ABCC4: variants seen among roughly 807,000 people sequenced by gnomAD.
ABCC4 encodes ATP binding cassette subfamily C member 4 (PEL blood group), also known as ATP-binding cassette sub-family C member 4.
A neutral mutation model predicts 168.5 loss-of-function variants in ABCC4; 102 were observed. The observed-to-expected ratio is 0.61, with a 90% confidence interval of 0.52 to 0.71. ABCC4 has a LOEUF of 0.71. Ranked by LOEUF, ABCC4 falls within the 30% of genes least tolerant of loss-of-function variation. The pLI is 0.00. For missense variants in ABCC4, 1,402 were observed against 1,605.8 expected (o/e 0.87, Z 2.17); for synonymous variants, 617 against 590.7 (o/e 1.04, Z -0.65).
chr13:95,128,715 A>T (rs1397086429), intron 19 of ABCC4, among the ~76,000 whole-genome samples: 4 of 152,120 alleles, frequency 2.6e-5, no homozygotes, highest in African/African-American at 9.7e-5. Flanking sequence ...AAAACCCACC[A>T]TCCGTACAAG....
intron 1 of ABCC4, among the ~76,000 whole-genome samples, chr13:95,293,282 C>T (rs542681020): frequency 3.3e-4 from 50 of 151,702 alleles, no homozygotes; most frequent in African/African-American, 1.2e-3. Context: ...CGCTTGAGCC[C>T]GGGAGGCGGA....
chr13:95,021,967 A>C (rs2031111873), intron 30 of ABCC4, among the ~76,000 whole-genome samples: 1 of 152,194 alleles, frequency 6.6e-6, no homozygotes, highest in Non-Finnish European at 1.5e-5. Flanking sequence ...AAGCGGAATC[A>C]TTTTACTGAC....
intron 3 of ABCC4, among the ~76,000 whole-genome samples, chr13:95,238,025 T>C (rs1333540452): frequency 6.6e-6 from 1 of 151,444 alleles, no homozygotes; most frequent in Non-Finnish European, 1.5e-5. Flanking sequence ...TGAAACCCCA[T>C]CTCTACTAAA....
In ABCC4 at chr13:95,292,600, CTG is replaced by C. The variant is rs1223898490; in HGVS notation, c.74+8639_74+8640del. Among the ~76,000 whole-genome samples the C allele has an allele frequency of 2.0e-5, 3 of 152,260 alleles. No homozygotes were observed. The East Asian group carries it at 5.8e-4, about 29-fold the overall frequency. ...AAGTAGAAATTGCATGGAAAGAAAA[CTG>C]TGGCTCAATACAACATAATTCTGGC... is the stretch of plus-strand genomic sequence containing the variant. On this transcript the variant is annotated intron_variant, in intron 1 of 30. Transcript: ENST00000645237.
intron 20 of ABCC4, among the ~76,000 whole-genome samples, chr13:95,115,276 T>TG (rs1371700151): frequency 5.3e-5 from 8 of 150,704 alleles, no homozygotes; most frequent in Admixed American, 3.3e-4. Flanking sequence ...ATTGTTGGTT[T>TG]TTTTTTTTTA....
chr13:95,294,783 T>C (rs576228741), intron 1 of ABCC4, among the ~76,000 whole-genome samples: 100 of 152,038 alleles, frequency 6.6e-4, no homozygotes, highest in Non-Finnish European at 1.2e-3. Flanking sequence ...TGAAACCCCA[T>C]CTCTCCTAAA....
chr13:95,027,092 C>T (rs553228660), intron 30 of ABCC4, among the ~76,000 whole-genome samples: 197 of 152,154 alleles, frequency 1.3e-3, no homozygotes, highest in South Asian at 5.4e-3. Flanking sequence ...TCCAGGATAA[C>T]ATGTGCAGAA....
intron 19 of ABCC4, among the ~76,000 whole-genome samples, chr13:95,155,055 C>A (rs2036811961): frequency 6.6e-6 from 1 of 152,132 alleles, no homozygotes; most frequent in Non-Finnish European, 1.5e-5. Flanking sequence ...GCTTTCAGTT[C>A]TCCACAAATT....
chr13:95,123,149 C>CA (rs1343299446), intron 19 of ABCC4, among the ~76,000 whole-genome samples: 1 of 152,142 alleles, frequency 6.6e-6, no homozygotes, highest in African/African-American at 2.4e-5. Flanking sequence ...GGCTTCAAGG[C>CA]AAAAGGCAAC....
At chr13:95,285,586 A>G (rs1208862678) in intron 1 of ABCC4, among the ~76,000 whole-genome samples, 1 of 152,204 alleles carries the variant, frequency 6.6e-6, no homozygotes. Flanking sequence ...TATCCTCTGA[A>G]TAATGGACTA....
intron 1 of ABCC4, among the ~76,000 whole-genome samples, chr13:95,282,240 G>A (rs61974960): frequency 0.04 from 6,101 of 152,160 alleles, 166 homozygotes; most frequent in Non-Finnish European, 0.056. Context: ...AATTCAGCCC[G>A]TAATATGGGT....
chr13:95,234,881 C>T (rs770241044), intron 3 of ABCC4, 47 bp from the exon 4 acceptor site: 15 of 1,298,500 alleles, frequency 1.2e-5, no homozygotes, highest in South Asian at 7.1e-5. Context: ...ACAGACCACA[C>T]CATTTTTTCT....
intron 19 of ABCC4, among the ~76,000 whole-genome samples, chr13:95,138,983 C>T (rs994959661): frequency 6.6e-6 from 1 of 152,170 alleles, no homozygotes; most frequent in African/African-American, 2.4e-5. Context: ...CAAGGCTCGC[C>T]CCACCTCAAA....
chr13:95,177,902 C>T lies in ABCC4; in HGVS notation c.1640+95G>A, dbSNP rs11568661. ...GAATAACCCAAGAAGGTGCTTCACA[C>T]AGGACGCAATACACAGTAAGCAGGT... On this transcript the variant is annotated intron_variant, in intron 12 of 30. Transcript: ENST00000645237. The T allele has an allele frequency of 2.1e-5, 31 of 1,493,080 alleles. No individual in the cohort carries two copies. In the African/African-American group the frequency reaches 3.3e-4, roughly 16 times the overall value. The allele number at this position is 1,493,080 out of a possible 1,614,324, so 92.5% of individuals were successfully genotyped here.
chr13:95,021,712 A>T (rs1381298678), intron 30 of ABCC4, 30 bp from the exon 31 acceptor site: 1 of 1,501,162 alleles, frequency 6.7e-7, no homozygotes, highest in African/African-American at 1.4e-5. Context: ...GCATAAAAAG[A>T]ATGTTTCAAA....
intron 8 of ABCC4, among the ~76,000 whole-genome samples, chr13:95,200,578 G>A (rs372944945): frequency 2.0e-5 from 3 of 152,214 alleles, no homozygotes; most frequent in South Asian, 2.1e-4. Flanking sequence ...AAAGTTAGCC[G>A]GGTGTGGTGG....
intron 19 of ABCC4, among the ~76,000 whole-genome samples, chr13:95,133,681 A>G (rs2036050525): frequency 2.0e-5 from 3 of 152,126 alleles, no homozygotes; most frequent in Non-Finnish European, 4.4e-5. Context: ...CTTGTAGGAT[A>G]AGGAGAGCAA....
chr13:95,067,222 G>A (rs891390947), intron 25 of ABCC4, among the ~76,000 whole-genome samples: 4 of 152,182 alleles, frequency 2.6e-5, no homozygotes, highest in African/African-American at 9.7e-5. Context: ...GATGAAAACT[G>A]TGATAGAAGA....
chr13:95,217,737 A>T (rs1238472047), intron 4 of ABCC4, among the ~76,000 whole-genome samples: 4 of 152,160 alleles, frequency 2.6e-5, no homozygotes, highest in Admixed American at 6.5e-5. Flanking sequence ...AAAAATTAAA[A>T]AAATAAATAA....
Sources: gnomAD v4.1 joint callset for allele counts (sites outside exome capture counted in the v4.1 genomes callset) on GRCh38, gnomAD v4.1.1 for gene constraint, MANE v1.5 for transcripts, NCBI Gene and HGNC (gene_info 2026-07-23, HGNC 2026-07-21) for gene names.